FBXO4: variants seen among roughly 807,000 people sequenced by gnomAD.
FBXO4 encodes F-box protein 4, also known as F-box only protein 4.
In FBXO4, 36 loss-of-function variants were observed where a neutral mutation model predicts 43.7. The ratio of observed to expected loss-of-function variants is 0.82; its 90% confidence interval spans 0.63 to 1.09. The LOEUF (loss-of-function observed/expected upper bound fraction) is 1.09. Ranked by LOEUF, FBXO4 falls within the 50% of genes least tolerant of loss-of-function variation. The pLI, the probability that FBXO4 is intolerant of heterozygous loss-of-function variation, is 0.00. For missense variants in FBXO4, 435 were observed against 474.1 expected, an observed-to-expected ratio of 0.92 and a Z score of 0.77; for synonymous variants, 180 against 165.6, an observed-to-expected ratio of 1.09 and a Z score of -0.67.
the FBXO4 span, among the ~76,000 whole-genome samples, chr5:41,961,456 G>GGTTCT: frequency 6.6e-6 from 1 of 152,138 alleles, no homozygotes; most frequent in African/African-American, 2.4e-5. Flanking sequence ...GAGGGACTAT[G>GGTTCT]GTTCTGGAAT....
downstream of FBXO4, among the ~76,000 whole-genome samples, chr5:41,942,114 CAG>C (rs1165689499): frequency 3.3e-5 from 5 of 151,918 alleles, no homozygotes; most frequent in Non-Finnish European, 7.4e-5. Flanking sequence ...CTGTTTTGGA[CAG>C]AAAGTTTGTA....
chr5:41,965,736 A>C, the FBXO4 span, among the ~76,000 whole-genome samples: 2 of 152,218 alleles, frequency 1.3e-5, no homozygotes, highest in Non-Finnish European at 1.5e-5. Flanking sequence ...AAACTAGTTC[A>C]ACCATTGTGG....
chr5:42,031,621 T>TA, the FBXO4 span, among the ~76,000 whole-genome samples: 7 of 151,820 alleles, frequency 4.6e-5, no homozygotes, highest in Admixed American at 1.3e-4. Context: ...ATAATAAAAT[T>TA]AAAAAAACAA....
chr5:42,014,495 T>C, the FBXO4 span, among the ~76,000 whole-genome samples: 9,564 of 152,258 alleles, frequency 0.063, 323 homozygotes, highest in African/African-American at 0.08. Flanking sequence ...GTTAAATATG[T>C]GTCCTCATGA....
At chr5:41,943,389 CAAGT>C (rs1752032544), downstream of FBXO4, among the ~76,000 whole-genome samples, 1 of 152,084 alleles carries the variant, frequency 6.6e-6, no homozygotes, top group Non-Finnish European at 1.5e-5. Flanking sequence ...GACATGGCCA[CAAGT>C]AAGTCCCTTA....
chr5:42,014,952 T>G, the FBXO4 span, among the ~76,000 whole-genome samples: 1 of 152,156 alleles, frequency 6.6e-6, no homozygotes, highest in African/African-American at 2.4e-5. Context: ...TACAAAAATA[T>G]TATTAGAATA....
chr5:42,019,454 C>T, the FBXO4 span, among the ~76,000 whole-genome samples: 27 of 151,940 alleles, frequency 1.8e-4, no homozygotes, highest in East Asian at 5.8e-4. Context: ...TTTGGGAGTC[C>T]GAGGCGGGTG....
intron 5 of FBXO4, among the ~76,000 whole-genome samples, chr5:41,936,474 C>T (rs141642434): frequency 8.0e-4 from 121 of 152,098 alleles, no homozygotes; most frequent in African/African-American, 2.7e-3. Flanking sequence ...GCAGAGGTTA[C>T]GTGAGCTGAA....
the FBXO4 span, among the ~76,000 whole-genome samples, chr5:41,969,723 G>A: frequency 6.6e-6 from 1 of 152,118 alleles, no homozygotes; most frequent in Admixed American, 6.5e-5. Context: ...TCCTGGTGAA[G>A]CACCTCTTGG....
At chr5:41,941,868 A>T (rs1752011079), downstream of FBXO4, 1 of 152,184 alleles carries the variant, frequency 6.6e-6, no homozygotes. Context: ...GATAGTTCTT[A>T]CTATTTTCAG....
chr5:42,008,954 C>A, the FBXO4 span, among the ~76,000 whole-genome samples: 6 of 152,104 alleles, frequency 3.9e-5, no homozygotes, highest in Non-Finnish European at 7.4e-5. Flanking sequence ...TTTCTCTTTT[C>A]TAGAGAGATA....
chr5:42,011,850 T>A, the FBXO4 span, among the ~76,000 whole-genome samples: 5 of 152,236 alleles, frequency 3.3e-5, no homozygotes, highest in Non-Finnish European at 7.3e-5. Context: ...TAGATGGACA[T>A]TCCTTGTTTT....
At chr5:41,972,997 T>A in the FBXO4 span, among the ~76,000 whole-genome samples, 1 of 152,182 alleles carries the variant, frequency 6.6e-6, no homozygotes, top group Non-Finnish European at 1.5e-5. Flanking sequence ...AATCTCATTC[T>A]GGTCATATGC....
At chr5:42,008,643 A>G in the FBXO4 span, among the ~76,000 whole-genome samples, 1 of 152,084 alleles carries the variant, frequency 6.6e-6, no homozygotes, top group Non-Finnish European at 1.5e-5. Flanking sequence ...ATCTCTTTTA[A>G]TCCTCCTGTC....
the FBXO4 span, among the ~76,000 whole-genome samples, chr5:41,955,959 A>G: frequency 2.0e-5 from 3 of 152,190 alleles, no homozygotes; most frequent in African/African-American, 4.8e-5. Flanking sequence ...TACAAGGAAG[A>G]CCAGAATGGA....
At chr5:41,996,983 C>T in the FBXO4 span, among the ~76,000 whole-genome samples, 8 of 152,146 alleles carry the variant, frequency 5.3e-5, no homozygotes, top group Non-Finnish European at 1.2e-4. Flanking sequence ...CTTATGGAAA[C>T]GAAAAGTGAT....
At chr5:41,951,423 C>T in the FBXO4 span, 8 of 232,222 alleles carry the variant, frequency 3.4e-5, no homozygotes, top group African/African-American at 1.9e-4. Flanking sequence ...GCTGAATAGG[C>T]ACAAAGCACA....
intron 6 of FBXO4, 72 bp from the exon 7 acceptor site, chr5:41,941,120 A>G: frequency 1.7e-6 from 2 of 1,150,642 alleles, no homozygotes; most frequent in Non-Finnish European, 2.6e-6. Context: ...GTGTCTAGAA[A>G]AATGTCCCTC....
At chr5:42,002,905 C>T in the FBXO4 span, among the ~76,000 whole-genome samples, 1 of 152,152 alleles carries the variant, frequency 6.6e-6, no homozygotes, top group Non-Finnish European at 1.5e-5. Context: ...GATGTTATCA[C>T]CATCACCTTT....
Sources: allele counts gnomAD v4.1 joint callset (sites outside exome capture counted in the v4.1 genomes callset), GRCh38; gene constraint gnomAD v4.1.1; transcripts MANE v1.5; gene names NCBI Gene and HGNC (gene_info 2026-07-23, HGNC 2026-07-21).